Variants in CYP7B1 observed in about 807,000 individuals in gnomAD.
CYP7B1 encodes the protein cytochrome P450 7B1.
In CYP7B1, 29 loss-of-function variants were observed where a neutral mutation model predicts 42.7. The ratio of observed to expected loss-of-function variants is 0.68; its 90% CI spans 0.51 to 0.93. CYP7B1 has a LOEUF of 0.93. CYP7B1 is among the 40% of genes least tolerant of loss of function. CYP7B1 has a pLI of 0.00. For synonymous variants in CYP7B1, 235 were observed against 218.2 expected, an observed-to-expected ratio of 1.08 and a Z score of -0.68; for missense variants, 655 against 600.5, an observed-to-expected ratio of 1.09 and a Z score of -0.95.
At chr8:64,656,573 T>C (rs1279939640) in intron 1 of CYP7B1, among the ~76,000 whole-genome samples, 1 of 152,354 alleles carries the variant, frequency 6.6e-6, no homozygotes, top group African/African-American at 2.4e-5. Context: ...AAGGCCTAGC[T>C]GCCAAGACAC....
intron 1 of CYP7B1, among the ~76,000 whole-genome samples, chr8:64,624,972 T>A (rs1805588363): frequency 1.8e-5 from 2 of 111,446 alleles, no homozygotes; most frequent in South Asian, 6.6e-4. Flanking sequence ...TTTTTTTTTT[T>A]TTTTTTTTTT....
intron 1 of CYP7B1, among the ~76,000 whole-genome samples, chr8:64,657,875 A>C (rs1215906625): frequency 6.6e-6 from 1 of 152,252 alleles, no homozygotes. Context: ...TCAGTCTGCT[A>C]TAATGAAATA....
At chr8:64,669,109 C>T (rs751471882) in intron 1 of CYP7B1, among the ~76,000 whole-genome samples, 34 of 152,026 alleles carry the variant, frequency 2.2e-4, no homozygotes, top group Middle Eastern at 3.4e-3. Context: ...GAACAATGAA[C>T]GATCAGAGAA....
intron 4 of CYP7B1, among the ~76,000 whole-genome samples, chr8:64,607,142 G>A (rs1805294620): frequency 6.6e-6 from 1 of 151,974 alleles, no homozygotes; most frequent in African/African-American, 2.4e-5. Flanking sequence ...ACATACCAAG[G>A]GATAACCAAG....
intron 1 of CYP7B1, among the ~76,000 whole-genome samples, chr8:64,779,080 C>T (rs1299599592): frequency 6.6e-6 from 1 of 150,682 alleles, no homozygotes; most frequent in South Asian, 2.1e-4. Context: ...TACATTTCTT[C>T]TAGCAATGCT....
At chr8:64,606,024 G>A (rs924654246) in intron 4 of CYP7B1, among the ~76,000 whole-genome samples, 2 of 152,202 alleles carry the variant, frequency 1.3e-5, no homozygotes, top group African/African-American at 4.8e-5. Context: ...GCCTGCATAA[G>A]GCTATCAAGT....
intron 1 of CYP7B1, among the ~76,000 whole-genome samples, chr8:64,780,010 A>G (rs932441244): frequency 6.6e-6 from 1 of 152,278 alleles, no homozygotes; most frequent in Non-Finnish European, 1.5e-5. Flanking sequence ...GTTAGAGGTC[A>G]TCTGTACTTC....
chr8:64,727,750 T>C (rs1807344962), intron 1 of CYP7B1, among the ~76,000 whole-genome samples: 1 of 151,980 alleles, frequency 6.6e-6, no homozygotes, highest in Admixed American at 6.6e-5. Flanking sequence ...AAACCAATAC[T>C]CAAGGTTCAC....
At chr8:64,618,679 A>G (rs1431279877) in intron 2 of CYP7B1, among the ~76,000 whole-genome samples, 1 of 152,020 alleles carries the variant, frequency 6.6e-6, no homozygotes, top group Non-Finnish European at 1.5e-5. Context: ...GTATGGGAAA[A>G]AACAATGAGG....
Position 64,596,089 on chromosome 8 carries a change from C to T in CYP7B1, c.*553G>A, listed in dbSNP as rs1055154396. On this transcript the variant is annotated 3_prime_UTR_variant, in exon 6 of 6. Transcript: ENST00000310193. ...ATTAAATATTGAAGTGAAGTTGAAG[C>T]ATTCAATCTACTGTGAAACTCATTT... is the stretch of plus-strand genomic sequence containing the variant. 3.1e-5 allele frequency: 5 copies of T among 161,412 alleles called. No individual in the cohort carries two copies. The East Asian group carries it at 9.2e-4, about 30-fold the overall frequency. The allele number at this position is 161,412 out of a possible 1,614,324, so 10.0% of individuals were successfully genotyped here.
intron 1 of CYP7B1, among the ~76,000 whole-genome samples, chr8:64,733,585 C>G (rs1277003762): frequency 6.6e-6 from 1 of 152,150 alleles, no homozygotes; most frequent in African/African-American, 2.4e-5. Flanking sequence ...GAAGTCACAC[C>G]TAGAAAGCCA....
intron 1 of CYP7B1, among the ~76,000 whole-genome samples, chr8:64,706,723 C>T (rs1807005257): frequency 6.6e-6 from 1 of 151,882 alleles, no homozygotes; most frequent in Admixed American, 6.6e-5. Context: ...CCTGAATCAC[C>T]ACTGAGAGCA....
At position 64,628,979 on chromosome 8, in the gene CYP7B1, G is replaced by A. The variant is rs144201263; in HGVS notation, c.123-4440C>T. Among the ~76,000 whole-genome samples, 1,487 of 152,168 alleles carry A rather than the reference G, an allele frequency of 9.8e-3. 26 individuals are homozygous for A. The highest frequency in any genetic ancestry group is 0.034 in the African/African-American group (1,401 of 41,510). On this transcript the variant is annotated intron_variant, in intron 1 of 5. Transcript: ENST00000310193. ...ACAGTGGCTCACGCCTGTAATCCCAGCACTTTGGGAGGCTGAGGTGGGCGG... is the reference window on the plus strand; with the variant it reads ...ACAGTGGCTCACGCCTGTAATCCCAACACTTTGGGAGGCTGAGGTGGGCGG...
At chr8:64,598,052 A>G (rs942382106) in intron 5 of CYP7B1, among the ~76,000 whole-genome samples, 15 of 152,330 alleles carry the variant, frequency 9.8e-5, no homozygotes, top group African/African-American at 3.4e-4. Flanking sequence ...TTCCTTTAAA[A>G]CTATTAGGTT....
chr8:64,736,170 A>G (rs951519679), intron 1 of CYP7B1, among the ~76,000 whole-genome samples: 1 of 152,154 alleles, frequency 6.6e-6, no homozygotes, highest in East Asian at 1.9e-4. Flanking sequence ...TGTCACTAAA[A>G]ATATAGATCT....
intron 1 of CYP7B1, among the ~76,000 whole-genome samples, chr8:64,708,453 G>T (rs1362551379): frequency 6.6e-6 from 1 of 152,082 alleles, no homozygotes; most frequent in Non-Finnish European, 1.5e-5. Flanking sequence ...CTTAAGGAAA[G>T]AAGTCATCCA....
intron 1 of CYP7B1, among the ~76,000 whole-genome samples, chr8:64,774,317 T>C (rs1418038201): frequency 6.6e-6 from 1 of 152,204 alleles, no homozygotes; most frequent in Non-Finnish European, 1.5e-5. Context: ...ACAAAGCATG[T>C]ATATAGTAGG....
intron 1 of CYP7B1, among the ~76,000 whole-genome samples, chr8:64,652,800 T>C (rs1806060358): frequency 6.6e-6 from 1 of 152,112 alleles, no homozygotes; most frequent in Admixed American, 6.6e-5. Context: ...ACTGAGATCG[T>C]GCCACTGCAC....
At chr8:64,717,172 TTTTTTTTCCA>T (rs1462000628) in intron 1 of CYP7B1, among the ~76,000 whole-genome samples, 1 of 79,450 alleles carries the variant, frequency 1.3e-5, no homozygotes, top group African/African-American at 9.0e-5. Context: ...ATGGTACATC[TTTTTTTTCCA>T]TTCTTTTACT....
Sources: allele counts gnomAD v4.1 joint callset (sites outside exome capture counted in the v4.1 genomes callset), GRCh38; gene constraint gnomAD v4.1.1; transcripts MANE v1.5; gene names NCBI Gene and HGNC (gene_info 2026-07-23, HGNC 2026-07-21).